Variants in OSBPL10 observed in about 807,000 individuals in gnomAD.
OSBPL10 encodes the protein oxysterol binding protein like 10, also known as oxysterol-binding protein-related protein 10.
A neutral mutation model predicts 81.7 loss-of-function variants in OSBPL10; 49 were observed. The ratio of observed to expected loss-of-function variants is 0.60; its 90% confidence interval spans 0.48 to 0.76. The LOEUF (loss-of-function observed/expected upper bound fraction) is 0.76. Ranked by LOEUF, OSBPL10 falls within the 30% of genes least tolerant of loss-of-function variation. The probability of loss-of-function intolerance (pLI) is 0.00; values close to 1 mark genes in which losing one functional copy is unlikely to be tolerated. For missense variants in OSBPL10, 923 were observed against 987.8 expected (o/e 0.93, Z 0.88); for synonymous variants, 419 against 383.6 (o/e 1.09, Z -1.08).
chr3:31,946,259 C>T (rs567032135), intron 1 of OSBPL10, among the ~76,000 whole-genome samples: 41 of 151,964 alleles, frequency 2.7e-4, no homozygotes, highest in African/African-American at 9.9e-4. Context: ...AAATTATAGG[C>T]GTGAGCCACT....
intron 1 of OSBPL10, among the ~76,000 whole-genome samples, chr3:31,908,362 G>A (rs548771180): frequency 1.3e-5 from 2 of 152,324 alleles, no homozygotes; most frequent in African/African-American, 2.4e-5. Flanking sequence ...TAAGAGCTTA[G>A]TATAATTGTC....
chr3:31,736,807 G>C (rs1407958799), intron 5 of OSBPL10, among the ~76,000 whole-genome samples: 1 of 152,164 alleles, frequency 6.6e-6, no homozygotes, highest in African/African-American at 2.4e-5. Context: ...GGCTGAGATG[G>C]GAAGATCACT....
At chr3:31,836,310 T>C (rs568688141) in intron 3 of OSBPL10, among the ~76,000 whole-genome samples, 3 of 152,352 alleles carry the variant, frequency 2.0e-5, no homozygotes, top group South Asian at 4.1e-4. Flanking sequence ...TGCAAATGTG[T>C]GTGCAAATGA....
At chr3:31,725,842 A>C (rs1429938169) in intron 6 of OSBPL10, among the ~76,000 whole-genome samples, 1 of 152,246 alleles carries the variant, frequency 6.6e-6, no homozygotes, top group Non-Finnish European at 1.5e-5. Context: ...CTCATCGTTC[A>C]CATTCATTCA....
At chr3:31,776,175 C>T (rs1295998848) in intron 4 of OSBPL10, among the ~76,000 whole-genome samples, 6 of 152,106 alleles carry the variant, frequency 3.9e-5, no homozygotes, top group Non-Finnish European at 5.9e-5. Flanking sequence ...AGATTAATTA[C>T]ATATAAAAGT....
chr3:31,914,292 G>A (rs1696681760), intron 1 of OSBPL10, among the ~76,000 whole-genome samples: 1 of 152,200 alleles, frequency 6.6e-6, no homozygotes, highest in South Asian at 2.1e-4. Flanking sequence ...CCCGAAAAGT[G>A]TTCAGAGGTA....
intron 1 of OSBPL10, among the ~76,000 whole-genome samples, chr3:31,932,445 A>C (rs912100156): frequency 6.6e-6 from 1 of 152,206 alleles, no homozygotes; most frequent in African/African-American, 2.4e-5. Context: ...ATAATAAATA[A>C]ATAAATAACA....
At chr3:31,911,109 G>T (rs900657323) in intron 1 of OSBPL10, among the ~76,000 whole-genome samples, 3 of 152,112 alleles carry the variant, frequency 2.0e-5, no homozygotes, top group Non-Finnish European at 4.4e-5. Flanking sequence ...CCTGTTTGAG[G>T]GGGAACTTAA....
intron 4 of OSBPL10, among the ~76,000 whole-genome samples, chr3:31,824,866 T>G (rs535996167): frequency 6.6e-6 from 1 of 152,196 alleles, no homozygotes; most frequent in Non-Finnish European, 1.5e-5. Flanking sequence ...TCATAGATCT[T>G]AAGCCTTCTT....
At chr3:31,948,403 C>A (rs1288697757) in intron 1 of OSBPL10, among the ~76,000 whole-genome samples, 1 of 152,150 alleles carries the variant, frequency 6.6e-6, no homozygotes, top group Non-Finnish European at 1.5e-5. Context: ...AATTTTACAA[C>A]CCAGACTGAA....
intron 2 of OSBPL10, among the ~76,000 whole-genome samples, chr3:31,993,255 G>A (rs1699053897): frequency 6.7e-6 from 1 of 149,460 alleles, no homozygotes; most frequent in South Asian, 2.1e-4. Context: ...TGTTGACCAG[G>A]CTGGAGTGCA....
At chr3:31,807,371 A>G (rs930023292) in intron 4 of OSBPL10, among the ~76,000 whole-genome samples, 1 of 144,610 alleles carries the variant, frequency 6.9e-6, no homozygotes, top group Non-Finnish European at 1.5e-5. Flanking sequence ...AGACTGTCTC[A>G]GAAAAATAAA....
chr3:31,870,198 A>C (rs951843080), intron 3 of OSBPL10, among the ~76,000 whole-genome samples: 6 of 152,156 alleles, frequency 3.9e-5, no homozygotes, highest in Non-Finnish European at 7.4e-5. Context: ...GTGGGCTTGG[A>C]GGGCCCCGCA....
chr3:31,841,806 T>G (rs12497622), intron 3 of OSBPL10, among the ~76,000 whole-genome samples: 14 of 151,992 alleles, frequency 9.2e-5, no homozygotes, highest in African/African-American at 3.4e-4. Context: ...GCTGTACTTA[T>G]TATTTTAATT....
chr3:31,819,151 G>C (rs1699921884), intron 4 of OSBPL10, among the ~76,000 whole-genome samples: 1 of 152,140 alleles, frequency 6.6e-6, no homozygotes, highest in African/African-American at 2.4e-5. Flanking sequence ...CCACATTAAG[G>C]GGTAGGATGG....
intron 2 of OSBPL10, among the ~76,000 whole-genome samples, chr3:32,026,867 C>T (rs149951776): frequency 1.3e-5 from 2 of 152,300 alleles, no homozygotes; most frequent in African/African-American, 4.8e-5. Context: ...CATCCTGGGC[C>T]AAAGATGCCT....
At chr3:31,685,202 G>A (rs1172576174) in intron 7 of OSBPL10, among the ~76,000 whole-genome samples, 1 of 151,926 alleles carries the variant, frequency 6.6e-6, no homozygotes, top group Non-Finnish European at 1.5e-5. Context: ...ACAAATATCG[G>A]GTATTTTTTG....
chr3:32,005,597 CT>C (rs1041797669), intron 2 of OSBPL10, among the ~76,000 whole-genome samples: 4 of 151,978 alleles, frequency 2.6e-5, no homozygotes, highest in Non-Finnish European at 5.9e-5. Flanking sequence ...TTTGTTGTTG[CT>C]TTTTCTCTGA....
intron 2 of OSBPL10, among the ~76,000 whole-genome samples, chr3:32,042,511 C>T (rs1308663616): frequency 6.6e-6 from 1 of 152,162 alleles, no homozygotes; most frequent in Non-Finnish European, 1.5e-5. Flanking sequence ...ATCCCTTAGT[C>T]TGACTTGTGT....
Sources: allele counts gnomAD v4.1 joint callset (sites outside exome capture counted in the v4.1 genomes callset), GRCh38; gene constraint gnomAD v4.1.1; transcripts MANE v1.5; gene names NCBI Gene and HGNC (gene_info 2026-07-23, HGNC 2026-07-21).